Variants in PPARD observed in about 807,000 individuals in gnomAD.
The protein encoded by PPARD is peroxisome proliferator activated receptor delta.
A neutral mutation model predicts 39.5 loss-of-function variants in PPARD; 6 were observed. The ratio of observed to expected loss-of-function variants is 0.15; its 90% CI spans 0.08 to 0.30. PPARD has a LOEUF of 0.30. PPARD is among the 10% of genes least tolerant of loss of function. The pLI, the probability that PPARD is intolerant of heterozygous loss-of-function variation, is 1.00. For synonymous variants in PPARD, 210 were observed against 231.3 expected (o/e 0.91, Z 0.83); for missense variants, 397 against 596.8 (o/e 0.67, Z 3.49).
chr6:35,363,313 C>CG lies in PPARD; in HGVS notation c.-102+16164dup, dbSNP rs1179874672. ...AGCAGGCTGATTTCCATAGGCTGTG[C>CG]GTTCCTGTGGGCCTGCCTGGATCAT... On this transcript the variant is annotated intron_variant, in intron 2 of 7. Transcript: ENST00000360694. The surrounding 1 kb of genome is among the most constrained non-coding windows in gnomAD (Gnocchi z 4.5). Among the ~76,000 whole-genome samples the CG allele has an allele frequency of 2.0e-5, 3 of 152,128 alleles. No individual in the cohort carries two copies. The highest frequency in any genetic ancestry group is 7.2e-5 in the African/African-American group (3 of 41,416).
Position 35,410,931 on chromosome 6 carries a change from A to G in PPARD, c.-101-56A>G, listed in dbSNP as rs556920413. The G allele has an allele frequency of 1.2e-5, 15 of 1,257,432 alleles. No individual in the cohort carries two copies. The East Asian group carries it at 4.7e-4, about 39-fold the overall frequency. 77.9% of individuals were successfully genotyped at this position (1,257,432 alleles called of 1,614,324 possible). On this transcript the variant is annotated intron_variant, in intron 2 of 7. Transcript: ENST00000360694. ...CCCCCAAGCGTGCCCCACTCGCACC[A>G]TCCTCTTCCTTGTCACTGCCTCCCC...
intron 2 of PPARD, among the ~76,000 whole-genome samples, chr6:35,393,419 A>C (rs1015772059): frequency 4.6e-5 from 7 of 152,300 alleles, no homozygotes; most frequent in African/African-American, 1.4e-4. Flanking sequence ...TTAGAAGCCT[A>C]ACATGACCTG....
intron 2 of PPARD, among the ~76,000 whole-genome samples, chr6:35,410,616 C>A (rs1485989917): frequency 6.6e-6 from 1 of 152,200 alleles, no homozygotes; most frequent in African/African-American, 2.4e-5. Flanking sequence ...TGATGCATAT[C>A]TGGATCTCCA....
chr6:35,384,863 C>T (rs572196784), intron 2 of PPARD, among the ~76,000 whole-genome samples: 5,014 of 88,288 alleles, frequency 0.057, 266 homozygotes, highest in African/African-American at 0.16. Context: ...CCTGGCCAGC[C>T]GCCCCGTCTG....
chr6:35,384,386 G>A (rs1422859873), intron 2 of PPARD, among the ~76,000 whole-genome samples: 3 of 131,364 alleles, frequency 2.3e-5, no homozygotes, highest in East Asian at 2.4e-4. Context: ...CCCCTACTGG[G>A]AAGTGAGGAG....
chr6:35,364,246 C>T (rs902593164), intron 2 of PPARD, among the ~76,000 whole-genome samples: 3 of 151,996 alleles, frequency 2.0e-5, no homozygotes, highest in Non-Finnish European at 4.4e-5. Flanking sequence ...CTTTTTGTGG[C>T]TGAGTATTCC....
At chr6:35,361,512 A>T (rs1265523250) in intron 2 of PPARD, among the ~76,000 whole-genome samples, 1 of 152,166 alleles carries the variant, frequency 6.6e-6, no homozygotes, top group Non-Finnish European at 1.5e-5. Flanking sequence ...ATAATAATAA[A>T]AAAAGAAAAA....
chr6:35,380,965 C>T (rs1049289313), intron 2 of PPARD, among the ~76,000 whole-genome samples: 4 of 152,238 alleles, frequency 2.6e-5, no homozygotes, highest in South Asian at 2.1e-4. Flanking sequence ...CTCTCTCCAC[C>T]GCTCCATCTC....
intron 2 of PPARD, among the ~76,000 whole-genome samples, chr6:35,393,746 T>C (rs945757856): frequency 1.3e-5 from 2 of 152,356 alleles, no homozygotes; most frequent in African/African-American, 2.4e-5. Context: ...CCTCTTGTTT[T>C]ATCTGTCCTT....
chr6:35,394,343 ATCTTGAGGTAG>A, intron 2 of PPARD, among the ~76,000 whole-genome samples: 1 of 152,360 alleles, frequency 6.6e-6, no homozygotes, highest in Non-Finnish European at 1.5e-5. Flanking sequence ...CATGACATGG[ATCTTGAGGTAG>A]TCTTCTTCAG....
In PPARD at chr6:35,384,234, C is replaced by A. The variant is rs865965705; in HGVS notation, c.-101-26753C>A. On this transcript the variant is annotated intron_variant, in intron 2 of 7. Coordinates refer to ENST00000360694, the MANE Select transcript of PPARD (RefSeq NM_006238.5). The stretch of plus-strand genomic sequence containing the variant: ...GAGGTGGGGGGGTCAGCCCCCCGCC[C>A]GGCCAGCCGCCCCGTCAGGGAGGGA... Among the ~76,000 whole-genome samples the A allele has an allele frequency of 4.5e-3, 560 of 125,116 alleles. 1 individual carries two copies. The highest frequency in any genetic ancestry group is 0.039 in the East Asian group (93 of 2,356). The allele number at this position is 125,116 out of a possible 152,430, so 82.1% of individuals were successfully genotyped here. A position where few individuals can be genotyped will look rare whatever the true frequency, so the allele number is the denominator to read the frequency against.
intron 2 of PPARD, among the ~76,000 whole-genome samples, chr6:35,347,501 C>T (rs142071630): frequency 2.0e-5 from 3 of 152,086 alleles, no homozygotes; most frequent in African/African-American, 4.8e-5. Flanking sequence ...AGTAAATGAA[C>T]GAACTTTCGT....
At chr6:35,420,471 C>T (rs940858438) in intron 4 of PPARD, among the ~76,000 whole-genome samples, 190 bp downstream of exon 4, 10 of 152,176 alleles carry the variant, frequency 6.6e-5, no homozygotes, top group African/African-American at 2.4e-4. Flanking sequence ...GAGGGGGTTC[C>T]CTTGTCAAGC....
At chr6:35,398,342 T>C (rs775918099) in intron 2 of PPARD, among the ~76,000 whole-genome samples, 6 of 152,142 alleles carry the variant, frequency 3.9e-5, no homozygotes, top group Non-Finnish European at 7.3e-5. Context: ...AGATTCCGTA[T>C]ATTTATTAAA....
intron 2 of PPARD, among the ~76,000 whole-genome samples, chr6:35,355,287 T>A (rs945613502): frequency 2.6e-5 from 4 of 151,888 alleles, no homozygotes; most frequent in African/African-American, 9.7e-5. Flanking sequence ...CCATCTATAC[T>A]AAAAATACAA....
At chr6:35,361,189 G>A (rs1761908200) in intron 2 of PPARD, among the ~76,000 whole-genome samples, 1 of 152,202 alleles carries the variant, frequency 6.6e-6, no homozygotes, top group Admixed American at 6.5e-5. Context: ...TGTGTGGCAT[G>A]GGGGTGATAA....
intron 5 of PPARD, among the ~76,000 whole-genome samples, chr6:35,423,160 G>C (rs1024551326): frequency 2.6e-5 from 4 of 151,928 alleles, no homozygotes; most frequent in African/African-American, 9.7e-5. Context: ...TAGCCCAGGA[G>C]GTCAAGGCTG....
chr6:35,381,465 G>T (rs184369807), intron 2 of PPARD, among the ~76,000 whole-genome samples: 1 of 152,178 alleles, frequency 6.6e-6, no homozygotes, highest in African/African-American at 2.4e-5. Flanking sequence ...AAATCTAGGG[G>T]GACAGTCTAG....
At chr6:35,396,273 T>C (rs909733222) in intron 2 of PPARD, among the ~76,000 whole-genome samples, 2 of 151,542 alleles carry the variant, frequency 1.3e-5, no homozygotes, top group South Asian at 2.1e-4. Flanking sequence ...GGCACGATCT[T>C]GGCTTACTGC....
Sources: gnomAD v4.1 joint callset for allele counts (sites outside exome capture counted in the v4.1 genomes callset) on GRCh38, gnomAD v4.1.1 for gene constraint, Gnocchi (gnomAD v3.1) non-coding constraint, MANE v1.5 for transcripts, NCBI Gene and HGNC (gene_info 2026-07-23, HGNC 2026-07-21) for gene names.